Variants in SYNPR observed in about 807,000 individuals in gnomAD.
The protein encoded by SYNPR is synaptoporin.
SYNPR carries 23 observed loss-of-function variants against 32.9 expected under a neutral mutation model. The observed-to-expected ratio is 0.70, with a 90% CI of 0.50 to 0.99. SYNPR has a LOEUF of 0.99. Ranked by LOEUF, SYNPR falls within the 50% of genes least tolerant of loss-of-function variation. The pLI is 0.00. For missense variants in SYNPR, 318 were observed against 349.3 expected, an observed-to-expected ratio of 0.91 and a Z score of 0.71; for synonymous variants, 146 against 135.9, an observed-to-expected ratio of 1.07 and a Z score of -0.52.
At chr3:63,523,536 A>T (rs1294403280) in intron 3 of SYNPR, among the ~76,000 whole-genome samples, 1 of 152,244 alleles carries the variant, frequency 6.6e-6, no homozygotes, top group Non-Finnish European at 1.5e-5. Context: ...GGTAGTAACC[A>T]TCAGAACCCT....
intron 2 of SYNPR, among the ~76,000 whole-genome samples, chr3:63,385,915 A>G (rs1486650577): frequency 6.6e-6 from 1 of 152,222 alleles, no homozygotes; most frequent in African/African-American, 2.4e-5. Context: ...AAAGTTTTGC[A>G]TAGACTATCG....
chr3:63,254,009 C>T (rs1320765822), intron 2 of SYNPR, among the ~76,000 whole-genome samples: 2 of 152,218 alleles, frequency 1.3e-5, no homozygotes, highest in East Asian at 3.9e-4. Context: ...GAGTTCCTGT[C>T]CTTTGTAGGG....
chr3:63,398,651 G>A (rs1167459254), intron 2 of SYNPR, among the ~76,000 whole-genome samples: 7 of 151,922 alleles, frequency 4.6e-5, no homozygotes, highest in African/African-American at 1.2e-4. Context: ...CCTAGGAGGC[G>A]GAGCTTGCAG....
chr3:63,398,967 G>T (rs1416139273), intron 2 of SYNPR, among the ~76,000 whole-genome samples: 1 of 152,106 alleles, frequency 6.6e-6, no homozygotes, highest in African/African-American at 2.4e-5. Flanking sequence ...TTAAGCAGAA[G>T]GACAGTTACT....
chr3:63,559,034 T>C (rs1447610693), intron 4 of SYNPR, among the ~76,000 whole-genome samples: 2 of 151,742 alleles, frequency 1.3e-5, no homozygotes, highest in Admixed American at 1.3e-4. Flanking sequence ...ATTTAAAAAT[T>C]GATACAATAA....
chr3:63,523,145 G>A (rs530764909), intron 3 of SYNPR, among the ~76,000 whole-genome samples: 3 of 152,212 alleles, frequency 2.0e-5, no homozygotes, highest in East Asian at 1.9e-4. Flanking sequence ...CACACGTGAC[G>A]GTGGGGCGGT....
At chr3:63,611,294 A>T (rs1290120409) in intron 5 of SYNPR, among the ~76,000 whole-genome samples, 1 of 152,208 alleles carries the variant, frequency 6.6e-6, no homozygotes, top group Non-Finnish European at 1.5e-5. Flanking sequence ...CCATTAGTGG[A>T]AAGTTTTACC....
At chr3:63,480,476 G>C (rs1427356991) in intron 2 of SYNPR, among the ~76,000 whole-genome samples, 1 of 152,150 alleles carries the variant, frequency 6.6e-6, no homozygotes, top group Non-Finnish European at 1.5e-5. Flanking sequence ...TTCCTACCTG[G>C]AGACATCCAT....
intron 2 of SYNPR, among the ~76,000 whole-genome samples, chr3:63,279,853 T>C (rs1412276420): frequency 1.3e-5 from 2 of 152,216 alleles, no homozygotes; most frequent in African/African-American, 4.8e-5. Flanking sequence ...TGAAAATGTA[T>C]GCGTATATCA....
chr3:63,325,187 C>A (rs1425933011), intron 2 of SYNPR, among the ~76,000 whole-genome samples: 1 of 152,044 alleles, frequency 6.6e-6, no homozygotes. Flanking sequence ...ACTGTAATTA[C>A]AACTTAATTC....
At chr3:63,274,190 T>A (rs1054410981), upstream of SYNPR, among the ~76,000 whole-genome samples, 10 of 151,750 alleles carry the variant, frequency 6.6e-5, no homozygotes, top group Non-Finnish European at 1.5e-5. Flanking sequence ...GCAGATAAAG[T>A]TTTAAATTAG....
intron 2 of SYNPR, among the ~76,000 whole-genome samples, chr3:63,436,924 T>A (rs943697846): frequency 2.6e-5 from 4 of 152,166 alleles, no homozygotes; most frequent in African/African-American, 9.6e-5. Flanking sequence ...TTGCCCGGGC[T>A]GAAGTGCAGT....
chr3:63,248,133 T>A (rs2086305590), intron 1 of SYNPR, among the ~76,000 whole-genome samples: 1 of 152,072 alleles, frequency 6.6e-6, no homozygotes, highest in Non-Finnish European at 1.5e-5. Context: ...TTCCAAGAAA[T>A]GCCACAGCTT....
intron 4 of SYNPR, among the ~76,000 whole-genome samples, chr3:63,597,666 T>C (rs75892862): frequency 0.02 from 3,056 of 152,256 alleles, 119 homozygotes; most frequent in African/African-American, 0.069. Context: ...GGGAACCCAA[T>C]GTCCTCAATT....
At chr3:63,452,128 T>C in intron 2 of SYNPR, 1 of 702,032 alleles carries the variant, frequency 1.4e-6, no homozygotes, top group Non-Finnish European at 2.6e-6. Context: ...AAGAATGTTT[T>C]CTTATTTGCT....
At chr3:63,204,360 C>T in the SYNPR span, among the ~76,000 whole-genome samples, 3 of 152,304 alleles carry the variant, frequency 2.0e-5, no homozygotes, top group East Asian at 5.8e-4. Context: ...CCTCTCCCTA[C>T]ATCTTCATGT....
intron 1 of SYNPR, among the ~76,000 whole-genome samples, chr3:63,239,450 A>C (rs2086222790): frequency 6.7e-6 from 1 of 150,006 alleles, no homozygotes; most frequent in South Asian, 2.2e-4. Flanking sequence ...CACACACCTT[A>C]CCATGAGTGC....
intron 2 of SYNPR, among the ~76,000 whole-genome samples, chr3:63,360,144 T>A (rs1384886277): frequency 1.3e-5 from 2 of 152,192 alleles, no homozygotes; most frequent in Non-Finnish European, 2.9e-5. Flanking sequence ...TAATTATCTC[T>A]CCAAACTCCA....
intron 2 of SYNPR, among the ~76,000 whole-genome samples, chr3:63,391,117 G>A (rs1000260329): frequency 9.8e-5 from 15 of 152,298 alleles, no homozygotes; most frequent in Non-Finnish European, 1.9e-4. Flanking sequence ...AAGACATCTA[G>A]GGATAGCTCT....
Sources: gnomAD v4.1 joint callset for allele counts (sites outside exome capture counted in the v4.1 genomes callset) on GRCh38, gnomAD v4.1.1 for gene constraint, MANE v1.5 for transcripts, NCBI Gene and HGNC (gene_info 2026-07-23, HGNC 2026-07-21) for gene names.